UROC1: variants seen among roughly 807,000 people sequenced by gnomAD.
UROC1 encodes the protein urocanate hydratase.
UROC1 carries 79 observed loss-of-function variants against 89.5 expected under a neutral mutation model. That is an observed-to-expected ratio of 0.88 (90% CI 0.74 to 1.06). The LOEUF (loss-of-function observed/expected upper bound fraction) is 1.06. Among genes scored for constraint, UROC1 ranks in the 50% least tolerant of loss-of-function variants. The pLI, the probability that UROC1 is intolerant of heterozygous loss-of-function variation, is 0.00. For missense variants in UROC1, 885 were observed against 907.8 expected (o/e 0.97, Z 0.32); for synonymous variants, 361 against 354.8 (o/e 1.02, Z -0.20).
At chr3:126,494,949 A>G (rs1209799600) in intron 15 of UROC1, among the ~76,000 whole-genome samples, 1 of 152,016 alleles carries the variant, frequency 6.6e-6, no homozygotes, top group East Asian at 1.9e-4. Context: ...CCTGCTCCAA[A>G]CACTGCCACC....
intron 9 of UROC1, among the ~76,000 whole-genome samples, chr3:126,502,733 T>C (rs1410574521): frequency 6.8e-6 from 1 of 146,062 alleles, no homozygotes; most frequent in Non-Finnish European, 1.5e-5. Context: ...TATGTGTCTG[T>C]TTATGTGCAT....
chr3:126,485,019 C>G (rs1334598658), intron 18 of UROC1, among the ~76,000 whole-genome samples: 1 of 152,248 alleles, frequency 6.6e-6, no homozygotes, highest in Non-Finnish European at 1.5e-5. Context: ...GAACTCTGAA[C>G]TTGCAGATCC....
intron 18 of UROC1, among the ~76,000 whole-genome samples, chr3:126,484,081 G>A (rs561688918): frequency 6.6e-6 from 1 of 152,030 alleles, no homozygotes; most frequent in South Asian, 2.1e-4. Flanking sequence ...AAGTGTATGG[G>A]GGGTCCTTCT....
rs746460687 is a variant in UROC1, at chr3:126,498,102, C to T, written c.1387G>A (p.Val463Ile). The T allele has an allele frequency of 1.1e-5, 17 of 1,614,052 alleles. No homozygotes were observed. The highest frequency in any genetic ancestry group is 1.6e-4 in the Middle Eastern group (1 of 6,082). Residue 463 changes from valine to isoleucine, a missense_variant, in exon 14 of 20, where the codon GTC (valine) becomes ATC (isoleucine). Val to Ile is a conservative substitution (Grantham distance 29). Transcript: ENST00000290868. ...ACAGATGTGGCCAGTTCGTCTGTGA[C>T]CGCCAGGTCCTGGGGGTCCCCCGAT... is the stretch of plus-strand genomic sequence containing the variant. ...CTSGDPQDLA[V>I]TDELATSVLE...
intron 8 of UROC1, 97 bp downstream of exon 8, chr3:126,505,604 G>A: frequency 6.5e-7 from 1 of 1,547,250 alleles, no homozygotes; most frequent in Non-Finnish European, 8.7e-7. Context: ...GGATGAGAAG[G>A]GGGGTCTGTG....
In UROC1 at chr3:126,496,087, T is replaced by C; in HGVS notation, c.1460A>G (p.Gln487Arg). Residue 487 changes from glutamine (Q) to arginine (R), a missense_variant, in exon 15 of 20, where the codon CAG becomes CGG. Coordinates refer to ENST00000290868, the MANE Select transcript of UROC1 (RefSeq NM_144639.3). ...ADGVKVSVKL[Q>R]YMDNIRWIRE... is the part of the protein sequence containing the mutation. ...GATCCAGCGGATGTTGTCCATGTAC[T>C]GCAGCTTCACAGACACCTTCACTGC... 1 of 1,613,432 alleles carries C rather than the reference T, an allele frequency of 6.2e-7. No homozygotes were observed.
intron 8 of UROC1, 71 bp downstream of exon 8, chr3:126,505,630 G>A: frequency 6.6e-7 from 1 of 1,518,340 alleles, no homozygotes; most frequent in South Asian, 1.2e-5. Context: ...AGTGATCCGG[G>A]AGGAAGAAGG....
rs751063539 is a variant in UROC1, at chr3:126,482,502, G to T, written c.1891-17C>A. ...CCGGGCCACCTAGGGCAAGGAGGGG[G>T]ATAGCAGTCCATGTCAACATAACCG... On this transcript the variant is annotated splice_polypyrimidine_tract_variant and intron_variant, in intron 19 of 19. Transcript: ENST00000290868. The T allele has an allele frequency of 1.9e-6, 3 of 1,613,804 alleles. No individual in the cohort carries two copies. Among genetic ancestry groups the T allele is most frequent in the Admixed American group, 1.7e-5 (1 of 60,030 alleles).
rs759218789 is a variant in UROC1 at position 126,508,440 on chromosome 3, C to G, written c.387G>C (p.Gly129=). Residue 129 remains glycine (G), a synonymous_variant, in exon 4 of 20, where the codon GGG becomes GGC. Coordinates refer to ENST00000290868, the MANE Select transcript of UROC1 (RefSeq NM_144639.3). ...CCTGAGCCCAGTTGCTGAACACCTG[C>G]CCATTTCCTCCATAGGTCACCAGCT... The part of the protein sequence containing the change: ...PQELVTYGGN[G]QVFSNWAQFW... The G allele has an allele frequency of 1.2e-6, 2 of 1,613,808 alleles. No individual in the cohort carries two copies. The highest frequency in any genetic ancestry group is 2.7e-5 in the African/African-American group (2 of 74,896).
intron 12 of UROC1, 101 bp from the exon 13 acceptor site, chr3:126,499,510 T>C: frequency 1.7e-6 from 2 of 1,150,282 alleles, no homozygotes; most frequent in Non-Finnish European, 1.3e-6. Context: ...TGGGGAAGGA[T>C]GCACAAGGTC....
At chr3:126,508,119 G>C (rs181416320) in intron 4 of UROC1, 24 bp from the exon 5 acceptor site, 313 of 1,613,336 alleles carry the variant, frequency 1.9e-4, no homozygotes, top group Non-Finnish European at 2.6e-4. Flanking sequence ...AGAGCGTGGG[G>C]ATTCTGTCAA....
intron 13 of UROC1, among the ~76,000 whole-genome samples, chr3:126,498,857 C>T (rs769523148): frequency 2.0e-5 from 3 of 152,170 alleles, no homozygotes; most frequent in Non-Finnish European, 4.4e-5. Flanking sequence ...GCCCAGACTT[C>T]TCAGCTTGGC....
intron 1 of UROC1, among the ~76,000 whole-genome samples, chr3:126,515,416 C>T (rs976782342): frequency 8.7e-5 from 13 of 150,174 alleles, no homozygotes; most frequent in South Asian, 2.1e-4. Context: ...CCAGCCTCCC[C>T]AGCACCCAAC....
intron 9 of UROC1, among the ~76,000 whole-genome samples, chr3:126,501,528 G>A (rs1935923053): frequency 6.6e-6 from 1 of 152,220 alleles, no homozygotes; most frequent in South Asian, 2.1e-4. Context: ...ACATGGCAGT[G>A]GCAAAACTGC....
intron 18 of UROC1, among the ~76,000 whole-genome samples, chr3:126,485,837 T>TG (rs1935503143): frequency 6.6e-6 from 1 of 151,974 alleles, no homozygotes; most frequent in Non-Finnish European, 1.5e-5. Flanking sequence ...TTGTTTAGTG[T>TG]GAAAAAGTGG....
intron 15 of UROC1, among the ~76,000 whole-genome samples, chr3:126,493,909 G>A (rs1408079362): frequency 6.6e-6 from 1 of 152,234 alleles, no homozygotes. Context: ...CCGGGCCACG[G>A]AAGCAGCTGT....
chr3:126,496,242 C>T (rs1935774815), intron 14 of UROC1, 134 bp from the exon 15 acceptor site: 1 of 781,380 alleles, frequency 1.3e-6, no homozygotes, highest in Non-Finnish European at 2.2e-6. Context: ...GGGAGCCCAC[C>T]CCACCCCACC....
intron 19 of UROC1, 28 bp from the exon 20 acceptor site, chr3:126,482,513 A>C (rs779131171): frequency 6.2e-7 from 1 of 1,613,632 alleles, no homozygotes; most frequent in Non-Finnish European, 8.5e-7. Context: ...ATAGCAGTCC[A>C]TGTCAACATA....
chr3:126,495,813 G>T (rs1167751838), intron 15 of UROC1, among the ~76,000 whole-genome samples: 1 of 152,174 alleles, frequency 6.6e-6, no homozygotes, highest in Non-Finnish European at 1.5e-5. Flanking sequence ...CCCTTTAAAG[G>T]TCCCCGGCTT....
Sources: allele counts gnomAD v4.1 joint callset (sites outside exome capture counted in the v4.1 genomes callset), GRCh38; gene constraint gnomAD v4.1.1; transcripts MANE v1.5; gene names NCBI Gene and HGNC (gene_info 2026-07-23, HGNC 2026-07-21).